Variants in PIEZO2 observed in about 807,000 individuals in gnomAD.
PIEZO2 encodes piezo-type mechanosensitive ion channel component 2.
A neutral mutation model predicts 337.3 loss-of-function variants in PIEZO2; 172 were observed. The observed-to-expected ratio is 0.51, with a 90% CI of 0.45 to 0.58. The LOEUF is 0.58. Ranked by LOEUF, PIEZO2 falls within the 20% of genes least tolerant of loss-of-function variation. The pLI is 0.00. For synonymous variants in PIEZO2, 1,251 were observed against 1,228.5 expected (o/e 1.02, Z -0.38); for missense variants, 3,028 against 3,391.3 (o/e 0.89, Z 2.66).
intron 35 of PIEZO2, among the ~76,000 whole-genome samples, chr18:10,732,630 T>C (rs1002933016): frequency 6.6e-6 from 1 of 152,240 alleles, no homozygotes; most frequent in Non-Finnish European, 1.5e-5. Flanking sequence ...ACATCTGTAT[T>C]ATTTCTGAAT....
At position 10,888,944 on chromosome 18, in the gene PIEZO2, C is replaced by T. The variant is rs2042682644; in HGVS notation, c.330-17529G>A. 1.3e-5 allele frequency among the ~76,000 whole-genome samples: 2 copies of T among 152,014 alleles called. No homozygotes were observed. Among genetic ancestry groups the T allele is most frequent in the African/African-American group, 4.8e-5 (2 of 41,374 alleles). On this transcript the variant is annotated intron_variant, in intron 4 of 55. Transcript: ENST00000674853. The surrounding 1 kb of genome is among the most constrained non-coding windows in gnomAD (Gnocchi z 4.1). ...TCAGAAACCTAGCATGCTGCTACAG[C>T]CAACAGTTCAAGGGGTCATTTCATG...
chr18:10,800,228 C>T, intron 11 of PIEZO2, 109 bp downstream of exon 11: 1 of 1,402,660 alleles, frequency 7.1e-7, no homozygotes, highest in Non-Finnish European at 9.4e-7. Flanking sequence ...ATGACACTGA[C>T]ATGGATACAG....
chr18:10,710,011 G>A (rs1278045948), intron 39 of PIEZO2, among the ~76,000 whole-genome samples: 1 of 152,262 alleles, frequency 6.6e-6, no homozygotes, highest in Non-Finnish European at 1.5e-5. Context: ...TGGCTGTTGG[G>A]TTTTAGATGA....
Position 10,696,481 on chromosome 18 carries a change from A to C in PIEZO2, c.6886T>G (p.Tyr2296Asp). 2 of 1,614,118 alleles carry C rather than the reference A, an allele frequency of 1.2e-6. No homozygotes were observed. Among genetic ancestry groups the C allele is most frequent in the African/African-American group, 1.3e-5 (1 of 75,034 alleles). The change falls in exon 46 of 56, where the codon TAT (tyrosine) becomes GAT (aspartate). Residue 2296 changes from tyrosine to aspartate, a missense_variant. Physicochemically the swap from Tyr to Asp is radical, Grantham distance 160. This residue lies in a region of PIEZO2 where 1,925 missense variants were observed against 2,051.9 expected (regional missense o/e 0.94). Coordinates refer to ENST00000674853, the MANE Select transcript of PIEZO2 (RefSeq NM_001378183.1). ...QFFYNLIHPE[Y>D]SAVTDVYVLM... is the part of the protein sequence containing the mutation. ...ACATACACGTCAGTCACGGCGCTAT[A>C]CTCCGGGTGGATGAGGTTGTAAAAG...
rs1424551119 is a variant in PIEZO2 at position 10,952,746 on chromosome 18, T to C, written c.286+26789A>G. 6.6e-6 allele frequency among the ~76,000 whole-genome samples: 1 copy of C among 152,202 alleles called. No homozygotes were observed. The highest frequency in any genetic ancestry group is 6.5e-5 in the Admixed American group (1 of 15,284). ...TGAATAGTAAGTATATGGTCAAATT[T>C]ATAATATGTTGGAAGATTATTTTTC... On this transcript the variant is annotated intron_variant, in intron 3 of 55. Coordinates refer to ENST00000674853, the MANE Select transcript of PIEZO2 (RefSeq NM_001378183.1). This position sits in a 1 kb window ranked among gnomAD's most constrained non-coding sequence, Gnocchi z 4.1.
intron 4 of PIEZO2, among the ~76,000 whole-genome samples, chr18:10,889,340 T>C (rs1403198077): frequency 6.6e-6 from 1 of 152,232 alleles, no homozygotes; most frequent in Non-Finnish European, 1.5e-5. Context: ...AGTAAGAGTG[T>C]TCTTGTTAAG....
At position 10,689,757 on chromosome 18, in the gene PIEZO2, G is replaced by A; in HGVS notation, c.7395C>T (p.Asp2465=). The A allele has an allele frequency of 2.5e-6, 4 of 1,614,112 alleles. No individual in the cohort carries two copies. Among genetic ancestry groups the A allele is most frequent in the Non-Finnish European group, 3.4e-6 (4 of 1,180,000 alleles). ...TCAAAGTTGTGTCCGTCCACACCCA[G>A]TCCATCACTGCCCTCAGCTCAGTCA... ...PFLTELRAVM[D]WVWTDTTLSL... Residue 2465 remains aspartate, a synonymous_variant, in exon 49 of 56, where the codon GAC becomes GAT. Coordinates refer to ENST00000674853, the MANE Select transcript of PIEZO2 (RefSeq NM_001378183.1).
rs1235703259 is a variant in PIEZO2 at position 10,850,248 on chromosome 18, A to G, written c.917+5105T>C. ...AGGAAGCACGTGATTTTTTGGGACC[A>G]TGGGGTGAAAAGAAGGGATTACTCT... is the stretch of plus-strand genomic sequence containing the variant. On this transcript the variant is annotated intron_variant, in intron 7 of 55. Coordinates refer to ENST00000674853, the MANE Select transcript of PIEZO2 (RefSeq NM_001378183.1). This position sits in a 1 kb window ranked among gnomAD's most constrained non-coding sequence, Gnocchi z 4.5. Among the ~76,000 whole-genome samples, 1 of 152,218 alleles carries G rather than the reference A, an allele frequency of 6.6e-6. No homozygotes were observed. The highest frequency in any genetic ancestry group is 1.5e-5 in the Non-Finnish European group (1 of 68,042).
Position 11,133,551 on chromosome 18 carries a change from G to A in PIEZO2, c.64+14974C>T, listed in dbSNP as rs769093712. Among the ~76,000 whole-genome samples, 92 of 152,090 alleles carry A rather than the reference G, an allele frequency of 6.0e-4. 1 individual carries two copies. The highest frequency in any genetic ancestry group is 6.6e-4 in the Admixed American group (10 of 15,264). ...GGAAGGCAGATCCACCCTTAATCTG[G>A]TGGGCACAATCTAATCAGCTGCCAG... On this transcript the variant is annotated intron_variant, in intron 1 of 55. Coordinates refer to ENST00000674853, the MANE Select transcript of PIEZO2 (RefSeq NM_001378183.1).
chr18:10,781,924 A>G lies in PIEZO2; in HGVS notation c.2493-1558T>C, dbSNP rs924208113. Among the ~76,000 whole-genome samples, 2 of 152,078 alleles carry G rather than the reference A, an allele frequency of 1.3e-5. No individual in the cohort carries two copies. Among genetic ancestry groups the G allele is most frequent in the African/African-American group, 4.8e-5 (2 of 41,422 alleles). ...AGGAGCAGAGAAAGCAAAGCCTGAC[A>G]GTCAATCCTAACTCTCAAAATATTC... On this transcript the variant is annotated intron_variant, in intron 17 of 55. Coordinates refer to ENST00000674853, the MANE Select transcript of PIEZO2 (RefSeq NM_001378183.1). The surrounding 1 kb of genome is among the most constrained non-coding windows in gnomAD (Gnocchi z 4.1).
At chr18:11,014,576 C>G (rs954770449) in intron 2 of PIEZO2, among the ~76,000 whole-genome samples, 2 of 148,634 alleles carry the variant, frequency 1.3e-5, no homozygotes, top group Admixed American at 1.3e-4. Flanking sequence ...ACATGTCACC[C>G]TGGGTGGGAG....
In PIEZO2 at chr18:10,691,290, T is replaced by A; in HGVS notation, c.7284A>T (p.Pro2428=). The A allele has an allele frequency of 6.2e-7, 1 of 1,614,110 alleles. No homozygotes were observed. The highest frequency in any genetic ancestry group is 8.5e-7 in the Non-Finnish European group (1 of 1,180,022). ...TGAGGAAGTTCCCCAGGACTCGCGT[T>A]GGGTAGCCACAACGGATCTGGTAAG... ...LSAYQIRCGY[P]TRVLGNFLTK... is the part of the protein sequence containing the mutation. Residue 2428 remains proline (P), a synonymous_variant, in exon 48 of 56, where the codon CCA becomes CCT. Coordinates refer to ENST00000674853, the MANE Select transcript of PIEZO2 (RefSeq NM_001378183.1).
rs1344898862 is a variant in PIEZO2 at position 10,858,328 on chromosome 18, A to ACTCC, written c.493-1118_493-1117insGGAG. ...CAGAGCGAGACTTCAACCCAAAAAA[A>ACTCC]AAAAAAAAAAAAAAAAAAAGAAAAG... On this transcript the variant is annotated intron_variant, in intron 5 of 55. Transcript: ENST00000674853. 5.2e-5 allele frequency among the ~76,000 whole-genome samples: 7 copies of ACTCC among 134,236 alleles called. No individual in the cohort carries two copies. In the South Asian group the frequency reaches 1.4e-3, roughly 26 times the overall value. The allele number at this position is 134,236 out of a possible 152,430, so 88.1% of individuals were successfully genotyped here.
chr18:11,042,971 A>G (rs1241422704), intron 2 of PIEZO2, among the ~76,000 whole-genome samples: 1 of 152,208 alleles, frequency 6.6e-6, no homozygotes, highest in African/African-American at 2.4e-5. Context: ...TCTAAAGACA[A>G]AAATATATTA....
chr18:11,100,442 G>A (rs2039378205), intron 1 of PIEZO2, among the ~76,000 whole-genome samples: 1 of 152,214 alleles, frequency 6.6e-6, no homozygotes, highest in African/African-American at 2.4e-5. Context: ...CTAACAGGCT[G>A]GAACTTAGCC....
chr18:10,851,685 T>A (rs538329012), intron 7 of PIEZO2, among the ~76,000 whole-genome samples: 3 of 152,308 alleles, frequency 2.0e-5, no homozygotes, highest in South Asian at 4.1e-4. Flanking sequence ...TTTAAAAAAA[T>A]TTTCATTAAA....
rs2035986454 is a variant in PIEZO2 at position 10,715,760 on chromosome 18, CCAGAAATAGGACCCAGGTAAATTT to C, written c.5122_5145del (p.Lys1708_Leu1715del). On this transcript the variant is annotated inframe_deletion, in exon 38 of 56. Coordinates refer to ENST00000674853, the MANE Select transcript of PIEZO2 (RefSeq NM_001378183.1). ...CAAGTAGTGAAACTGTCCACTGTTG[CCAGAAATAGGACCCAGGTAAATTT>C]CAAAATATTAAATATCCTCTTGATG... 1 of 1,534,668 alleles carries C rather than the reference CCAGAAATAGGACCCAGGTAAATTT, an allele frequency of 6.5e-7. No homozygotes were observed.
rs1167258884 is a variant in PIEZO2, at chr18:10,781,319, A to T, written c.2493-953T>A. On this transcript the variant is annotated intron_variant, in intron 17 of 55. Coordinates refer to ENST00000674853, the MANE Select transcript of PIEZO2 (RefSeq NM_001378183.1). The surrounding 1 kb of genome is among the most constrained non-coding windows in gnomAD (Gnocchi z 4.1). The stretch of plus-strand genomic sequence containing the variant: ...CCCCCGTCTCTATTAAAAATAGAAA[A>T]ATTAGCCAGGCATGGTGGCACATGC... Among the ~76,000 whole-genome samples, 1 of 151,894 alleles carries T rather than the reference A, an allele frequency of 6.6e-6. No homozygotes were observed. The highest frequency in any genetic ancestry group is 1.5e-5 in the Non-Finnish European group (1 of 68,000).
At chr18:10,975,770 A>G (rs1487274525) in intron 3 of PIEZO2, among the ~76,000 whole-genome samples, 2 of 152,200 alleles carry the variant, frequency 1.3e-5, no homozygotes, top group Non-Finnish European at 2.9e-5. Flanking sequence ...AGTTGTTAGG[A>G]AAACAAAATT....
Sources: gnomAD v4.1 joint callset for allele counts (sites outside exome capture counted in the v4.1 genomes callset) on GRCh38, gnomAD v4.1.1 for gene constraint, gnomAD v4.1.1 regional missense constraint, Gnocchi (gnomAD v3.1) non-coding constraint, MANE v1.5 for transcripts, NCBI Gene and HGNC (gene_info 2026-07-23, HGNC 2026-07-21) for gene names.